The following CPA6 variants were observed in gnomAD, a reference collection of about 807,000 sequenced individuals.
The protein encoded by CPA6 is carboxypeptidase A6, also known as carboxypeptidase B.
A neutral mutation model predicts 63.3 loss-of-function variants in CPA6; 58 were observed. The ratio of observed to expected loss-of-function variants is 0.92; its 90% CI spans 0.74 to 1.14. The LOEUF (loss-of-function observed/expected upper bound fraction) is 1.14, where lower values mean the gene tolerates loss of function less well. Ranked by LOEUF, CPA6 falls within the 50% of genes most tolerant of loss-of-function variation. CPA6 has a pLI of 0.00. For synonymous variants in CPA6, 185 were observed against 179.0 expected (o/e 1.03, Z -0.27); for missense variants, 565 against 526.6 (o/e 1.07, Z -0.71).
At chr8:67,718,872 C>CAG (rs1817436557) in intron 1 of CPA6, among the ~76,000 whole-genome samples, 2 of 152,178 alleles carry the variant, frequency 1.3e-5, no homozygotes, top group African/African-American at 4.8e-5. Context: ...GTCTCAATCT[C>CAG]CTGACCTTGT....
chr8:67,509,486 A>G (rs748416938), intron 5 of CPA6, 31 bp downstream of exon 5: 2 of 982,448 alleles, frequency 2.0e-6, no homozygotes, highest in South Asian at 2.8e-5. Flanking sequence ...GGTAAACATT[A>G]TGTATTTACA....
At chr8:67,726,158 C>T (rs1817592797) in intron 1 of CPA6, among the ~76,000 whole-genome samples, 1 of 152,094 alleles carries the variant, frequency 6.6e-6, no homozygotes, top group African/African-American at 2.4e-5. Context: ...TATTCAGAAG[C>T]TCTTTTTCTT....
intron 1 of CPA6, among the ~76,000 whole-genome samples, chr8:67,645,894 T>C (rs1360905522): frequency 6.6e-6 from 1 of 152,218 alleles, no homozygotes; most frequent in African/African-American, 2.4e-5. Flanking sequence ...AGTTCTTTCT[T>C]TGAGAAGATG....
chr8:67,445,656 A>G (rs898967667), intron 8 of CPA6, among the ~76,000 whole-genome samples: 1 of 152,208 alleles, frequency 6.6e-6, no homozygotes, highest in African/African-American at 2.4e-5. Flanking sequence ...TAACTTAAAT[A>G]ACTTAGTGTC....
chr8:67,681,711 G>A (rs1351792335), intron 1 of CPA6, among the ~76,000 whole-genome samples: 1 of 151,820 alleles, frequency 6.6e-6, no homozygotes. Context: ...GAATCAATTG[G>A]CCATACACGT....
intron 2 of CPA6, among the ~76,000 whole-genome samples, chr8:67,593,726 T>G (rs1814205547): frequency 6.6e-6 from 1 of 150,964 alleles, no homozygotes; most frequent in African/African-American, 2.4e-5. Flanking sequence ...TTTTTTGTTT[T>G]CCATTTGCTT....
At chr8:67,666,029 T>C (rs959848998) in intron 1 of CPA6, among the ~76,000 whole-genome samples, 4 of 152,248 alleles carry the variant, frequency 2.6e-5, no homozygotes, top group Non-Finnish European at 5.9e-5. Flanking sequence ...TCCAGTTTTA[T>C]CATTTGCATT....
chr8:67,462,650 CTCT>C (rs1197235802), intron 8 of CPA6, among the ~76,000 whole-genome samples: 1 of 152,174 alleles, frequency 6.6e-6, no homozygotes, highest in African/African-American at 2.4e-5. Context: ...CTTTCCAATT[CTCT>C]TGTCTCTCTC....
chr8:67,550,039 G>A (rs1484298706), intron 2 of CPA6, among the ~76,000 whole-genome samples: 1 of 152,126 alleles, frequency 6.6e-6, no homozygotes, highest in Non-Finnish European at 1.5e-5. Context: ...TAGTTCTATT[G>A]TTTTTTCTTT....
At chr8:67,696,267 A>C (rs1816910659) in intron 1 of CPA6, among the ~76,000 whole-genome samples, 1 of 152,262 alleles carries the variant, frequency 6.6e-6, no homozygotes, top group Non-Finnish European at 1.5e-5. Context: ...CAGGGACTCC[A>C]TAAAGAATAT....
At chr8:67,633,969 A>T (rs1278224302) in intron 1 of CPA6, among the ~76,000 whole-genome samples, 1 of 151,872 alleles carries the variant, frequency 6.6e-6, no homozygotes, top group Non-Finnish European at 1.5e-5. Flanking sequence ...CTAAGTGCGG[A>T]TATGTGAATT....
intron 1 of CPA6, among the ~76,000 whole-genome samples, chr8:67,664,762 G>A (rs1816191628): frequency 6.6e-6 from 1 of 152,054 alleles, no homozygotes; most frequent in Non-Finnish European, 1.5e-5. Context: ...AGTGGAGAAG[G>A]GCAGAGCATG....
At chr8:67,450,968 T>C (rs980057353) in intron 8 of CPA6, among the ~76,000 whole-genome samples, 4 of 152,160 alleles carry the variant, frequency 2.6e-5, no homozygotes, top group Non-Finnish European at 4.4e-5. Flanking sequence ...CTGAAGCTAT[T>C]TATTTATATA....
At chr8:67,517,434 C>T (rs925383237) in intron 3 of CPA6, among the ~76,000 whole-genome samples, 1 of 152,160 alleles carries the variant, frequency 6.6e-6, no homozygotes, top group Admixed American at 6.5e-5. Flanking sequence ...AGCTCCTGCC[C>T]CTGCACATAA....
intron 6 of CPA6, among the ~76,000 whole-genome samples, chr8:67,493,792 CT>C (rs143148228): frequency 2.7e-5 from 4 of 149,234 alleles, no homozygotes; most frequent in African/African-American, 5.1e-5. Flanking sequence ...TTCTTTCTTT[CT>C]TTTTTTTTGT....
chr8:67,438,501 A>C (rs1273735847), intron 8 of CPA6, among the ~76,000 whole-genome samples: 1 of 152,220 alleles, frequency 6.6e-6, no homozygotes, highest in Non-Finnish European at 1.5e-5. Context: ...TGAGTGAAAT[A>C]ACAATGTTCT....
At chr8:67,662,440 G>GTATATGTATATATAGAATACATACACACA (rs1816132827) in intron 1 of CPA6, among the ~76,000 whole-genome samples, 4 of 135,964 alleles carry the variant, frequency 2.9e-5, no homozygotes, top group Admixed American at 7.2e-5. Context: ...ACATACACAC[G>GTATATGTATATATAGAATACATACACACA]TATATGTATA....
At chr8:67,603,007 A>G (rs184290276) in intron 2 of CPA6, among the ~76,000 whole-genome samples, 173 of 152,340 alleles carry the variant, frequency 1.1e-3, no homozygotes, top group African/African-American at 4.1e-3. Flanking sequence ...AAACGAACCC[A>G]AAAGCCAATG....
chr8:67,475,910 C>CTT, intron 8 of CPA6, among the ~76,000 whole-genome samples: 1 of 92,554 alleles, frequency 1.1e-5, no homozygotes, highest in East Asian at 2.9e-4. Context: ...TTCTTTCTTT[C>CTT]TTTCTTTCTT....
Sources: allele counts gnomAD v4.1 joint callset (sites outside exome capture counted in the v4.1 genomes callset), GRCh38; gene constraint gnomAD v4.1.1; transcripts MANE v1.5; gene names NCBI Gene and HGNC (gene_info 2026-07-23, HGNC 2026-07-21).